The following RCC1L variants were observed in gnomAD, a reference collection of about 807,000 sequenced individuals.
The protein encoded by RCC1L is RCC1 like, also known as RCC1-like G exchanging factor-like protein.
RCC1L carries 46 observed loss-of-function variants against 58.6 expected under a neutral mutation model. That is an observed-to-expected ratio of 0.79 (90% CI 0.62 to 1.00). The LOEUF is 1.00. RCC1L is among the 50% of genes least tolerant of loss of function. The pLI, the probability that RCC1L is intolerant of heterozygous loss-of-function variation, is 0.00. For missense variants in RCC1L, 636 were observed against 623.6 expected (o/e 1.02, Z -0.21); for synonymous variants, 281 against 262.9 (o/e 1.07, Z -0.67).
intron 10 of RCC1L, among the ~76,000 whole-genome samples, chr7:75,051,311 T>TAC (rs1205022298): frequency 6.8e-6 from 1 of 147,340 alleles, no homozygotes; most frequent in Admixed American, 6.8e-5. Flanking sequence ...CATATATATA[T>TAC]ACACACATAT....
chr7:75,035,808 C>A (rs994207858), intron 10 of RCC1L, among the ~76,000 whole-genome samples: 1 of 151,836 alleles, frequency 6.6e-6, no homozygotes, highest in South Asian at 2.1e-4. Flanking sequence ...TCAATACCAC[C>A]CTGGGCAACA....
At chr7:75,062,270 C>T (rs1165664091) in intron 5 of RCC1L, among the ~76,000 whole-genome samples, 1 of 152,008 alleles carries the variant, frequency 6.6e-6, no homozygotes, top group Non-Finnish European at 1.5e-5. Context: ...ATAATCCCAA[C>T]AGTTTGGGCA....
At chr7:75,068,009 T>C (rs1394796486) in intron 2 of RCC1L, among the ~76,000 whole-genome samples, 1 of 151,938 alleles carries the variant, frequency 6.6e-6, no homozygotes, top group Non-Finnish European at 1.5e-5. Context: ...AAAATTGCTC[T>C]GAATAAAAGG....
chr7:75,048,791 G>T (rs908085950), intron 10 of RCC1L, among the ~76,000 whole-genome samples: 1 of 152,228 alleles, frequency 6.6e-6, no homozygotes, highest in Non-Finnish European at 1.5e-5. Context: ...GTGCCACTGC[G>T]TGCTGCCTTC....
chr7:75,066,526 T>C, intron 3 of RCC1L, 138 bp downstream of exon 3: 1 of 1,108,308 alleles, frequency 9.0e-7, no homozygotes, highest in Non-Finnish European at 1.3e-6. Flanking sequence ...GCAATCCCAC[T>C]GATCTGCTCA....
chr7:75,052,595 G>T, intron 10 of RCC1L, 116 bp downstream of exon 10: 2 of 940,244 alleles, frequency 2.1e-6, no homozygotes, highest in Non-Finnish European at 1.7e-6. Context: ...GGACCCGGAA[G>T]GGGGAGCAGG....
intron 8 of RCC1L, chr7:75,056,421 C>T (rs1806083773): frequency 8.7e-7 from 1 of 1,144,462 alleles, no homozygotes. Flanking sequence ...GATGTTTTCT[C>T]CCCCTAATGA....
chr7:75,068,970 G>A (rs1361205778), intron 2 of RCC1L, among the ~76,000 whole-genome samples: 6 of 151,298 alleles, frequency 4.0e-5, no homozygotes, highest in African/African-American at 1.5e-4. Flanking sequence ...CCCAGTTCAA[G>A]CGATTCTCCT....
chr7:75,068,389 G>C (rs1165067096), intron 2 of RCC1L, among the ~76,000 whole-genome samples: 1 of 143,546 alleles, frequency 7.0e-6, no homozygotes, highest in Non-Finnish European at 1.5e-5. Flanking sequence ...ACTTATAAAA[G>C]ACATCTGATA....
In RCC1L at chr7:75,056,091, A is replaced by G. The variant is rs1806070863; in HGVS notation, c.1058-17T>C. 1 of 1,613,822 alleles carries G rather than the reference A, an allele frequency of 6.2e-7. No homozygotes were observed. The highest frequency in any genetic ancestry group is 1.3e-5 in the African/African-American group (1 of 74,916). The stretch of plus-strand genomic sequence containing the variant: ...GTCCTTCTCCTACATTACAGTAAAA[A>G]CAAGGGTCAGTAAGTCCATCCAAGT... On this transcript the variant is annotated splice_polypyrimidine_tract_variant and intron_variant, in intron 8 of 10. Transcript: ENST00000610322.
downstream of RCC1L, among the ~76,000 whole-genome samples, chr7:75,040,598 A>G (rs1448455140): frequency 1.3e-5 from 2 of 152,114 alleles, no homozygotes; most frequent in East Asian, 3.9e-4. Context: ...GCCCAGTGTG[A>G]CCCGGGTCTG....
At chr7:75,039,313 G>A (rs1308460856), downstream of RCC1L, among the ~76,000 whole-genome samples, 2 of 152,268 alleles carry the variant, frequency 1.3e-5, no homozygotes, top group African/African-American at 4.8e-5. Flanking sequence ...CAACCTGCTG[G>A]GCCGTGCCCG....
intron 10 of RCC1L, among the ~76,000 whole-genome samples, chr7:75,036,342 G>T (rs1264135965): frequency 4.0e-5 from 6 of 150,214 alleles, no homozygotes; most frequent in Non-Finnish European, 5.9e-5. Context: ...GGCTGGTCTC[G>T]AACTCCCGAC....
intron 10 of RCC1L, among the ~76,000 whole-genome samples, chr7:75,033,091 AAAAG>A (rs1805350744): frequency 1.3e-5 from 2 of 151,208 alleles, no homozygotes; most frequent in African/African-American, 4.9e-5. Flanking sequence ...AAAAAAAAAA[AAAAG>A]ATAATTCCAC....
chr7:75,067,404 G>A lies in RCC1L; in HGVS notation c.455-612C>T, dbSNP rs148008939. Among the ~76,000 whole-genome samples, 267 of 151,860 alleles carry A rather than the reference G, an allele frequency of 1.8e-3. 3 individuals carry two copies. Among genetic ancestry groups the A allele is most frequent in the African/African-American group, 6.0e-3 (248 of 41,444 alleles). On this transcript the variant is annotated intron_variant, in intron 2 of 10. Coordinates refer to ENST00000610322, the MANE Select transcript of RCC1L (RefSeq NM_030798.5). ...AGCGCTTTGGGAGGCCAAGGCAGGCGGATCACTTGAGGTCAGGAGTTTGAT... is the reference window on the plus strand; with the variant it reads ...AGCGCTTTGGGAGGCCAAGGCAGGCAGATCACTTGAGGTCAGGAGTTTGAT...
At chr7:75,058,527 G>C in intron 7 of RCC1L, 61 bp downstream of exon 7, 1 of 1,535,622 alleles carries the variant, frequency 6.5e-7, no homozygotes, top group South Asian at 1.2e-5. Context: ...CACCACACCC[G>C]GCCCCTTAAC....
chr7:75,072,178 A>G (rs1452498903), intron 1 of RCC1L, among the ~76,000 whole-genome samples: 1 of 96,828 alleles, frequency 1.0e-5, no homozygotes, highest in Admixed American at 1.3e-4. Flanking sequence ...ATATATATAT[A>G]TATATATATA....
chr7:75,062,465 G>A (rs1224543798), intron 5 of RCC1L, among the ~76,000 whole-genome samples: 1 of 152,176 alleles, frequency 6.6e-6, no homozygotes, highest in Non-Finnish European at 1.5e-5. Context: ...CTATGATCGT[G>A]CCACTGCATT....
chr7:75,072,161 C>CACATATAT, intron 1 of RCC1L, among the ~76,000 whole-genome samples: 1 of 46,368 alleles, frequency 2.2e-5, no homozygotes, highest in Admixed American at 3.9e-4. Context: ...TATACATATA[C>CACATATAT]ATATATATAT....
Sources: allele counts gnomAD v4.1 joint callset (sites outside exome capture counted in the v4.1 genomes callset), GRCh38; gene constraint gnomAD v4.1.1; transcripts MANE v1.5; gene names NCBI Gene and HGNC (gene_info 2026-07-23, HGNC 2026-07-21).